CSPP1: variants seen among roughly 807,000 people sequenced by gnomAD.
CSPP1 encodes centrosome and spindle pole associated protein 1, also known as centrosome and spindle pole-associated protein 1.
CSPP1 carries 126 observed loss-of-function variants against 164.4 expected under a neutral mutation model. That is an observed-to-expected ratio of 0.77 (90% confidence interval 0.66 to 0.89). The LOEUF (loss-of-function observed/expected upper bound fraction) is 0.89, where lower values mean the gene tolerates loss of function less well. Among genes scored for constraint, CSPP1 ranks in the 40% least tolerant of loss-of-function variants. CSPP1 has a pLI of 0.00. For synonymous variants in CSPP1, 472 were observed against 476.7 expected, an observed-to-expected ratio of 0.99 and a Z score of 0.13; for missense variants, 1,395 against 1,449.8, an observed-to-expected ratio of 0.96 and a Z score of 0.61.
At chr8:67,174,768 A>G (rs934401057) in intron 25 of CSPP1, 2 of 144,860 alleles carry the variant, frequency 1.4e-5, no homozygotes, top group Admixed American at 1.4e-4. Context: ...CCGTCTCAAG[A>G]AAAAAAAAAA....
At chr8:67,137,303 A>AT (rs1822526547) in intron 16 of CSPP1, among the ~76,000 whole-genome samples, 153 bp from the exon 17 acceptor site, 1 of 151,788 alleles carries the variant, frequency 6.6e-6, no homozygotes, top group African/African-American at 2.4e-5. Flanking sequence ...TATATTTGTG[A>AT]TTTTAACCTT....
rs1563808394 is a variant in CSPP1 at position 67,193,490 on chromosome 8, AGATG to A, written c.3359_3362del (p.Asp1120ValfsTer4). The A allele has an allele frequency of 6.2e-7, 1 of 1,613,624 alleles. No individual in the cohort carries two copies. The highest frequency in any genetic ancestry group is 8.5e-7 in the Non-Finnish European group (1 of 1,179,516). On this transcript the variant is annotated frameshift_variant, in exon 30 of 31. Coordinates refer to ENST00000678616, the MANE Select transcript of CSPP1 (RefSeq NM_001382391.1). LOFTEE classifies it high-confidence loss of function. ...ATAGCAGTCGTCCTAATGTAGCACC[AGATG>A]GTCTCTCTCTAAAATCTATATCCAG...
At chr8:67,143,802 CTG>C (rs1823960292) in intron 17 of CSPP1, among the ~76,000 whole-genome samples, 2 of 152,070 alleles carry the variant, frequency 1.3e-5, no homozygotes, top group Admixed American at 6.5e-5. Flanking sequence ...TGTCTGTAGT[CTG>C]TGTGGTTGCT....
At chr8:67,098,554 GTAATTGA>G (rs1813335112) in intron 7 of CSPP1, among the ~76,000 whole-genome samples, 1 of 151,762 alleles carries the variant, frequency 6.6e-6, no homozygotes, top group African/African-American at 2.4e-5. Context: ...GGTTAACACT[GTAATTGA>G]TAGTTGCATT....
chr8:67,170,809 C>T lies in CSPP1; in HGVS notation c.2829-1607C>T, dbSNP rs987933746. On this transcript the variant is annotated intron_variant, in intron 24 of 30. Coordinates refer to ENST00000678616, the MANE Select transcript of CSPP1 (RefSeq NM_001382391.1). ...TTTATTTATTTATTTATTTTTGAGACGGCTTCTTGCTCTGTCACCCAGGCT... is the reference window on the plus strand; with the variant it reads ...TTTATTTATTTATTTATTTTTGAGATGGCTTCTTGCTCTGTCACCCAGGCT... Among the ~76,000 whole-genome samples the T allele has an allele frequency of 5.9e-5, 9 of 152,042 alleles. No homozygotes were observed. In the East Asian group the frequency reaches 7.8e-4, roughly 13 times the overall value.
intron 15 of CSPP1, among the ~76,000 whole-genome samples, chr8:67,127,631 T>C (rs980848949): frequency 3.9e-5 from 6 of 152,232 alleles, no homozygotes; most frequent in African/African-American, 1.4e-4. Context: ...CTCATTGCTT[T>C]AACGGAGTAG....
chr8:67,108,022 A>T (rs1305701731), intron 9 of CSPP1, among the ~76,000 whole-genome samples: 23 of 129,510 alleles, frequency 1.8e-4, no homozygotes, highest in African/African-American at 6.3e-4. Context: ...CTCAGAATAT[A>T]GTCTGTCTTG....
Position 67,105,928 on chromosome 8 carries a change from A to G in CSPP1, c.1046A>G (p.Lys349Arg), listed in dbSNP as rs750741154. 1 of 1,589,968 alleles carries G rather than the reference A, an allele frequency of 6.3e-7. No individual in the cohort carries two copies. The highest frequency in any genetic ancestry group is 1.1e-5 in the South Asian group (1 of 90,544). Residue 349 changes from lysine to arginine, a missense_variant, in exon 9 of 31, where the codon AAA becomes AGA. Transcript: ENST00000678616. The part of the protein sequence containing the change: ...NKSAPDNETS[K>R]SANQDTCSPF... The stretch of plus-strand genomic sequence containing the variant: ...AGTGCTCCAGACAATGAAACATCCA[A>G]ATCTGCTAATCAAGATACCTGTAGT...
At chr8:67,190,541 T>C in intron 28 of CSPP1, 109 bp from the exon 29 acceptor site, 1 of 763,848 alleles carries the variant, frequency 1.3e-6, no homozygotes, top group Non-Finnish European at 2.3e-6. Flanking sequence ...ATTGAGTGTG[T>C]TTCATGGTAT....
At chr8:67,069,786 G>A (rs1379157481) in intron 1 of CSPP1, among the ~76,000 whole-genome samples, 2 of 151,264 alleles carry the variant, frequency 1.3e-5, no homozygotes, top group African/African-American at 2.4e-5. Context: ...AGTGTCCCCC[G>A]GTAGTTGGGA....
At chr8:67,082,618 T>C (rs1218436860) in intron 3 of CSPP1, among the ~76,000 whole-genome samples, 2 of 152,200 alleles carry the variant, frequency 1.3e-5, no homozygotes, top group East Asian at 3.9e-4. Flanking sequence ...AGTATAATAA[T>C]GAAAAGAAAG....
At position 67,075,859 on chromosome 8, in the gene CSPP1, A is replaced by G. The variant is rs114413573; in HGVS notation, c.100-623A>G. ...ACACAGTGGTGGATTCAGGAGTGGA[A>G]CCTTTATGCAGCTCCAGAGTCTATC... On this transcript the variant is annotated intron_variant, in intron 2 of 30. Coordinates refer to ENST00000678616, the MANE Select transcript of CSPP1 (RefSeq NM_001382391.1). Among the ~76,000 whole-genome samples the G allele has an allele frequency of 1.9e-3, 294 of 152,290 alleles. 1 individual carries two copies. The highest frequency in any genetic ancestry group is 6.8e-3 in the African/African-American group (281 of 41,560).
intron 21 of CSPP1, among the ~76,000 whole-genome samples, chr8:67,159,953 C>CT (rs1554605701): frequency 0.021 from 598 of 29,024 alleles, 37 homozygotes; most frequent in Middle Eastern, 0.058. Flanking sequence ...TTCCTTCCTT[C>CT]CTTCTTTCTT....
At chr8:67,100,038 A>C (rs1813711102) in intron 7 of CSPP1, among the ~76,000 whole-genome samples, 1 of 152,130 alleles carries the variant, frequency 6.6e-6, no homozygotes, top group African/African-American at 2.4e-5. Flanking sequence ...AGATTTTATT[A>C]TCTTTTTAGT....
intron 24 of CSPP1, among the ~76,000 whole-genome samples, chr8:67,165,116 C>T (rs1181152275): frequency 6.6e-6 from 1 of 152,134 alleles, no homozygotes; most frequent in Non-Finnish European, 1.5e-5. Context: ...AACCCCGTCT[C>T]TACTAAAAAT....
chr8:67,073,295 A>C (rs1807216833), intron 1 of CSPP1, among the ~76,000 whole-genome samples: 1 of 152,202 alleles, frequency 6.6e-6, no homozygotes, highest in Non-Finnish European at 1.5e-5. Flanking sequence ...GTGACACCTT[A>C]AAATTTCACC....
At chr8:67,105,771 A>C (rs1044015209) in intron 8 of CSPP1, 134 bp from the exon 9 acceptor site, 3 of 611,092 alleles carry the variant, frequency 4.9e-6, no homozygotes, top group Non-Finnish European at 8.7e-6. Context: ...TAACCTTAAA[A>C]ATTTGTAAAT....
In CSPP1 at chr8:67,091,796, T is replaced by A. The variant is rs200961876; in HGVS notation, c.304-7T>A. The A allele has an allele frequency of 2.2e-4, 268 of 1,208,672 alleles. No individual in the cohort carries two copies. Among genetic ancestry groups the A allele is most frequent in the Non-Finnish European group, 2.9e-4 (263 of 901,570 alleles). 74.9% of individuals were successfully genotyped at this position (1,208,672 alleles called of 1,614,324 possible). A position where few individuals can be genotyped will look rare whatever the true frequency, so the allele number is the denominator to read the frequency against. On this transcript the variant is annotated splice_region_variant and splice_polypyrimidine_tract_variant and intron_variant, in intron 4 of 30. Coordinates refer to ENST00000678616, the MANE Select transcript of CSPP1 (RefSeq NM_001382391.1). ...GTAATATATTTTTTTAATGTGTATA[T>A]ATACAGAAAAATTTTCTATCTACGA... is the stretch of plus-strand genomic sequence containing the variant.
Position 67,137,462 on chromosome 8 carries a change from GA to G in CSPP1, c.1837del (p.Arg613GlufsTer19). 2 of 1,506,320 alleles carry G rather than the reference GA, an allele frequency of 1.3e-6. No homozygotes were observed. The highest frequency in any genetic ancestry group is 1.8e-6 in the Non-Finnish European group (2 of 1,109,766). The allele number at this position is 1,506,320 out of a possible 1,614,324, so 93.3% of individuals were successfully genotyped here. A position where few individuals can be genotyped will look rare whatever the true frequency, so the allele number is the denominator to read the frequency against. ...TATATCTTATGTTGTCAAGATTCGGGAAAGAGAAGAAAGAAGGAAGAAAGAA... is the reference window on the plus strand; with the variant it reads ...TATATCTTATGTTGTCAAGATTCGGGAAGAGAAGAAAGAAGGAAGAAAGAA... ...YQEALQQQIR[E>X]REERRKKERE... On this transcript the variant is annotated frameshift_variant, in exon 17 of 31. Transcript: ENST00000678616. LOFTEE classifies it high-confidence loss of function.
Sources: allele counts gnomAD v4.1 joint callset (sites outside exome capture counted in the v4.1 genomes callset), GRCh38; gene constraint gnomAD v4.1.1; transcripts MANE v1.5; gene names NCBI Gene and HGNC (gene_info 2026-07-23, HGNC 2026-07-21).